BRIP1: variants seen among roughly 807,000 people sequenced by gnomAD.
The protein encoded by BRIP1 is Fanconi anemia group J protein.
Under a neutral mutation model 119.7 loss-of-function variants are expected in BRIP1, and 88 were observed. That is an observed-to-expected ratio of 0.74 (90% CI 0.62 to 0.88). BRIP1 has a LOEUF of 0.88. BRIP1 is among the 40% of genes least tolerant of loss of function. The pLI is 0.00. For synonymous variants in BRIP1, 443 were observed against 496.5 expected (o/e 0.89, Z 1.43); for missense variants, 1,259 against 1,455.4 (o/e 0.87, Z 2.20).
At position 61,743,135 on chromosome 17, in the gene BRIP1, C is replaced by T. The variant is rs1064793887; in HGVS notation, c.2258-1G>A. On this transcript the variant is annotated splice_acceptor_variant, in intron 15 of 19. Coordinates refer to ENST00000259008, the MANE Select transcript of BRIP1 (RefSeq NM_032043.3). LOFTEE classifies it high-confidence loss of function. This position sits in a 1 kb window ranked among gnomAD's most constrained non-coding sequence, Gnocchi z 4.3. ...CAAACTGCTACCAGGAGAGCTCCAT[C>T]TTAAACAACAGAAAAAAGCATATCC... The T allele has an allele frequency of 6.2e-7, 1 of 1,613,924 alleles. No homozygotes were observed. The highest frequency in any genetic ancestry group is 8.5e-7 in the Non-Finnish European group (1 of 1,179,884).
Position 61,857,080 on chromosome 17 carries a change from A to G in BRIP1, c.357T>C (p.Asn119=), listed in dbSNP as rs786202477. The change falls in exon 4 of 20, where the codon AAT becomes AAC. Residue 119 remains asparagine, a synonymous_variant. Coordinates refer to ENST00000259008, the MANE Select transcript of BRIP1 (RefSeq NM_032043.3). This position sits in a 1 kb window ranked among gnomAD's most constrained non-coding sequence, Gnocchi z 5.1. ...TACCTTGACAAGTTGATGAAGTGCC[A>G]TTTCTTTCAGAAGGTGGTGTGCTTG... The part of the protein sequence containing the change: ...NYPSTPPSER[N]GTSSTCQDSP... 9.3e-6 allele frequency: 15 copies of G among 1,613,970 alleles called. No individual in the cohort carries two copies. The highest frequency in any genetic ancestry group is 1.3e-5 in the African/African-American group (1 of 74,928).
intron 16 of BRIP1, among the ~76,000 whole-genome samples, chr17:61,716,832 A>AAATAATATGCTTTCATTTTTTTTCCAC (rs1555581245): frequency 6.6e-6 from 1 of 151,220 alleles, no homozygotes; most frequent in Non-Finnish European, 1.5e-5. Context: ...CCACTACTGG[A>AAATAATATGCTTTCATTTTTTTTCCAC]TTATTAGCTA....
At position 61,729,702 on chromosome 17, in the gene BRIP1, T is replaced by A. The variant is rs1331861580; in HGVS notation, c.2379+13311A>T. On this transcript the variant is annotated intron_variant, in intron 16 of 19. Transcript: ENST00000259008. The surrounding 1 kb of genome is among the most constrained non-coding windows in gnomAD (Gnocchi z 5.6). ...GTTTTTCAACTTGATAAATCATAATTTAAAAACAAATGCAGATTATTAATT... is the reference window on the plus strand; with the variant it reads ...GTTTTTCAACTTGATAAATCATAATATAAAAACAAATGCAGATTATTAATT... Among the ~76,000 whole-genome samples, 3 of 152,116 alleles carry A rather than the reference T, an allele frequency of 2.0e-5. No homozygotes were observed. The highest frequency in any genetic ancestry group is 4.4e-5 in the Non-Finnish European group (3 of 68,018).
At position 61,787,013 on chromosome 17, in the gene BRIP1, TATA is replaced by T. The variant is rs1166825693; in HGVS notation, c.1474-2592_1474-2590del. On this transcript the variant is annotated intron_variant, in intron 10 of 19. Coordinates refer to ENST00000259008, the MANE Select transcript of BRIP1 (RefSeq NM_032043.3). ...AAATTTATAAATAATTTTATAAAAT[TATA>T]ATTTTATTTATAAATAAATTTATAT... Among the ~76,000 whole-genome samples, 633 of 117,910 alleles carry T rather than the reference TATA, an allele frequency of 5.4e-3. 1 individual carries two copies. Among genetic ancestry groups the T allele is most frequent in the Non-Finnish European group, 8.0e-3 (501 of 62,680 alleles). 77.4% of individuals were successfully genotyped at this position (117,910 alleles called of 152,430 possible).
At chr17:61,836,764 G>A (rs1821326095) in intron 6 of BRIP1, among the ~76,000 whole-genome samples, 1 of 152,126 alleles carries the variant, frequency 6.6e-6, no homozygotes, top group Non-Finnish European at 1.5e-5. Flanking sequence ...CTTAGATTTG[G>A]TGTTGAGACA....
intron 6 of BRIP1, among the ~76,000 whole-genome samples, chr17:61,838,593 A>ATAAG (rs1342426308): frequency 2.0e-5 from 3 of 147,466 alleles, no homozygotes; most frequent in Non-Finnish European, 3.0e-5. Flanking sequence ...AAATAAATAA[A>ATAAG]GCATCATTAA....
chr17:61,826,058 T>C (rs780460593), intron 6 of BRIP1, among the ~76,000 whole-genome samples: 14 of 152,096 alleles, frequency 9.2e-5, no homozygotes, highest in Non-Finnish European at 1.8e-4. Flanking sequence ...AACAGATACA[T>C]AGACCAATGA....
Position 61,731,066 on chromosome 17 carries a change from G to A in BRIP1, c.2379+11947C>T, listed in dbSNP as rs116594230. 4.3e-3 allele frequency among the ~76,000 whole-genome samples: 642 copies of A among 148,904 alleles called. 3 individuals are homozygous for A. Among genetic ancestry groups the A allele is most frequent in the African/African-American group, 0.015 (604 of 40,494 alleles). ...TAGAAACTGCTTTCAAAATACTTTTGGCCAAACTATCTTAAAAAAAAAAAA... is the reference window on the plus strand; with the variant it reads ...TAGAAACTGCTTTCAAAATACTTTTAGCCAAACTATCTTAAAAAAAAAAAA... On this transcript the variant is annotated intron_variant, in intron 16 of 19. Transcript: ENST00000259008.
At position 61,680,762 on chromosome 17, in the gene BRIP1, A is replaced by C. The variant is rs1235232976; in HGVS notation, c.*2534T>G. On this transcript the variant is annotated 3_prime_UTR_variant, in exon 20 of 20. Coordinates refer to ENST00000259008, the MANE Select transcript of BRIP1 (RefSeq NM_032043.3). Reference sequence around the variant, plus strand: ...CCAAAGTGCTGGGATTACAGGCGTGAGCCACCGCGCCTGGCCCTAAAGGTA... The same window carrying C: ...CCAAAGTGCTGGGATTACAGGCGTGCGCCACCGCGCCTGGCCCTAAAGGTA... 6.6e-6 allele frequency among the ~76,000 whole-genome samples: 1 copy of C among 152,170 alleles called. No homozygotes were observed. Among genetic ancestry groups the C allele is most frequent in the African/African-American group, 2.4e-5 (1 of 41,436 alleles).
rs1245791986 is a variant in BRIP1 at position 61,832,760 on chromosome 17, GTTA to G, written c.627+14338_627+14340del. Among the ~76,000 whole-genome samples the G allele has an allele frequency of 6.6e-5, 10 of 152,280 alleles. No individual in the cohort carries two copies. Among genetic ancestry groups the G allele is most frequent in the African/African-American group, 2.2e-4 (9 of 41,566 alleles). ...TGGATTCTTTTGCTTTTATAAAAGC[GTTA>G]TTAAGACAACTGCTAAAATTTAAAC... On this transcript the variant is annotated intron_variant, in intron 6 of 19. Transcript: ENST00000259008. The surrounding 1 kb of genome is among the most constrained non-coding windows in gnomAD (Gnocchi z 5.5).
chr17:61,770,510 AT>A lies in BRIP1; in HGVS notation c.2097+5890del, dbSNP rs913869245. Among the ~76,000 whole-genome samples the A allele has an allele frequency of 6.3e-4, 96 of 152,190 alleles. No individual in the cohort carries two copies. Among genetic ancestry groups the A allele is most frequent in the Middle Eastern group, 3.4e-3 (1 of 294 alleles). On this transcript the variant is annotated intron_variant, in intron 14 of 19. Coordinates refer to ENST00000259008, the MANE Select transcript of BRIP1 (RefSeq NM_032043.3). This position sits in a 1 kb window ranked among gnomAD's most constrained non-coding sequence, Gnocchi z 4.7. ...CAATATAAAATGTATTCTGTTTTTA[AT>A]TTTTTTTATCTGATTTGAAAGTCAG...
At position 61,683,239 on chromosome 17, in the gene BRIP1, C is replaced by T; in HGVS notation, c.*57G>A. Reference sequence around the variant, plus strand: ...TCAATTTACAAATTATTACTTACAACAGAGTTTAACATAAGCATGATGACA... The same window carrying T: ...TCAATTTACAAATTATTACTTACAATAGAGTTTAACATAAGCATGATGACA... On this transcript the variant is annotated 3_prime_UTR_variant, in exon 20 of 20. Coordinates refer to ENST00000259008, the MANE Select transcript of BRIP1 (RefSeq NM_032043.3). The surrounding 1 kb of genome is among the most constrained non-coding windows in gnomAD (Gnocchi z 4.7). The T allele has an allele frequency of 6.6e-7, 1 of 1,526,426 alleles. No homozygotes were observed. Among genetic ancestry groups the T allele is most frequent in the Non-Finnish European group, 9.0e-7 (1 of 1,112,814 alleles). 94.6% of individuals were successfully genotyped at this position (1,526,426 alleles called of 1,614,324 possible).
chr17:61,860,671 G>GA lies in BRIP1; in HGVS notation c.94-765dup, dbSNP rs2078961804. 6.6e-6 allele frequency among the ~76,000 whole-genome samples: 1 copy of GA among 151,672 alleles called. No individual in the cohort carries two copies. Among genetic ancestry groups the GA allele is most frequent in the Non-Finnish European group, 1.5e-5 (1 of 67,872 alleles). The stretch of plus-strand genomic sequence containing the variant: ...TGAGACGCTGTCTCAAAAACAAAAA[G>GA]AAAAAAGGAAGTTCACAGCAGCATT... On this transcript the variant is annotated intron_variant, in intron 2 of 19. Transcript: ENST00000259008. The surrounding 1 kb of genome is among the most constrained non-coding windows in gnomAD (Gnocchi z 4.1).
rs1207986808 is a variant in BRIP1, at chr17:61,778,366, A to C, written c.1936-1804T>G. Among the ~76,000 whole-genome samples the C allele has an allele frequency of 1.3e-5, 2 of 152,174 alleles. No individual in the cohort carries two copies. Among genetic ancestry groups the C allele is most frequent in the Admixed American group, 6.6e-5 (1 of 15,264 alleles). ...AATAGAGAGCTGTTGTTTAATGGGA[A>C]CAGAGTTTCAGTTTTTCAAGAGGAG... On this transcript the variant is annotated intron_variant, in intron 13 of 19. Transcript: ENST00000259008. The surrounding 1 kb of genome is among the most constrained non-coding windows in gnomAD (Gnocchi z 4.4).
chr17:61,799,437 C>T lies in BRIP1; in HGVS notation c.1141-138G>A. On this transcript the variant is annotated intron_variant, in intron 8 of 19. Coordinates refer to ENST00000259008, the MANE Select transcript of BRIP1 (RefSeq NM_032043.3). The surrounding 1 kb of genome is among the most constrained non-coding windows in gnomAD (Gnocchi z 5.1). ...TACATAAGCAACAGAGATTCTAGGT[C>T]TTAAATAAAACTTCTGAAGCACTAT... 1.5e-6 allele frequency: 1 copy of T among 685,644 alleles called. No individual in the cohort carries two copies. The highest frequency in any genetic ancestry group is 2.4e-6 in the Non-Finnish European group (1 of 408,406). The allele number at this position is 685,644 out of a possible 1,614,324, so 42.5% of individuals were successfully genotyped here.
At position 61,765,433 on chromosome 17, in the gene BRIP1, T is replaced by A. The variant is rs1203390087; in HGVS notation, c.2097+10968A>T. Among the ~76,000 whole-genome samples, 9 of 62,166 alleles carry A rather than the reference T, an allele frequency of 1.4e-4. 1 individual carries two copies. Among genetic ancestry groups the A allele is most frequent in the African/African-American group, 2.0e-4 (3 of 15,308 alleles). 40.8% of individuals were successfully genotyped at this position (62,166 alleles called of 152,430 possible). On this transcript the variant is annotated intron_variant, in intron 14 of 19. Coordinates refer to ENST00000259008, the MANE Select transcript of BRIP1 (RefSeq NM_032043.3). ...TATATATATATATATATTTTTTTTTTTTTTTTTTTTTTTTTTTTTTGAGAC... is the reference window on the plus strand; with the variant it reads ...TATATATATATATATATTTTTTTTTATTTTTTTTTTTTTTTTTTTTGAGAC...
intron 10 of BRIP1, among the ~76,000 whole-genome samples, chr17:61,787,015 T>C (rs1274311620): frequency 1.7e-5 from 2 of 116,600 alleles, no homozygotes; most frequent in East Asian, 4.8e-4. Context: ...TATAAAATTA[T>C]AATTTTATTT....
chr17:61,683,361 T>C lies in BRIP1; in HGVS notation c.3685A>G (p.Ile1229Val), dbSNP rs2144067628. 1 of 1,611,896 alleles carries C rather than the reference T, an allele frequency of 6.2e-7. No homozygotes were observed. Among genetic ancestry groups the C allele is most frequent in the South Asian group, 1.1e-5 (1 of 90,620 alleles). ...GATGGTTTAAAGTTCTTTATTTCTA[T>C]TTCATGAGTTTTTCCCAGTTCCAGT... ...NELELGKTHE[I>V]EIKNFKPSPS... is the part of the protein sequence containing the mutation. Residue 1229 changes from isoleucine (I) to valine (V), a missense_variant, in exon 20 of 20, where the codon ATA (isoleucine) becomes GTA (valine). Ile to Val is a conservative substitution (Grantham distance 29, BLOSUM62 3). Coordinates refer to ENST00000259008, the MANE Select transcript of BRIP1 (RefSeq NM_032043.3). This position sits in a 1 kb window ranked among gnomAD's most constrained non-coding sequence, Gnocchi z 4.7.
At chr17:61,771,728 G>A (rs2077450960) in intron 14 of BRIP1, among the ~76,000 whole-genome samples, 1 of 152,122 alleles carries the variant, frequency 6.6e-6, no homozygotes, top group South Asian at 2.1e-4. Flanking sequence ...GGGAGGCCGA[G>A]GCAGGCAGAT....
Sources: gnomAD v4.1 joint callset for allele counts (sites outside exome capture counted in the v4.1 genomes callset) on GRCh38, gnomAD v4.1.1 for gene constraint, Gnocchi (gnomAD v3.1) non-coding constraint, MANE v1.5 for transcripts, NCBI Gene and HGNC (gene_info 2026-07-23, HGNC 2026-07-21) for gene names.